Variants in XRCC2 observed in about 807,000 individuals in gnomAD.
XRCC2 encodes the protein X-ray repair cross complementing 2, also known as DNA repair protein XRCC2.
Under a neutral mutation model 27.3 loss-of-function variants are expected in XRCC2, and 24 were observed. That is an observed-to-expected ratio of 0.88 (90% CI 0.64 to 1.24). XRCC2 has a LOEUF of 1.24. XRCC2 is among the 50% of genes most tolerant of loss of function. The probability of loss-of-function intolerance (pLI) is 0.00; values close to 1 mark genes in which losing one functional copy is unlikely to be tolerated. For missense variants in XRCC2, 321 were observed against 325.8 expected, an observed-to-expected ratio of 0.99 and a Z score of 0.11; for synonymous variants, 106 against 115.4, an observed-to-expected ratio of 0.92 and a Z score of 0.52.
chr7:152,648,844 C>G lies in XRCC2; in HGVS notation c.641G>C (p.Arg214Pro), dbSNP rs368445278. 1 of 1,613,780 alleles carries G rather than the reference C, an allele frequency of 6.2e-7. No homozygotes were observed. Among genetic ancestry groups the G allele is most frequent in the African/African-American group, 1.3e-5 (1 of 74,994 alleles). ...GTCTATGTCCACATCACACAGTCGTCGAGAGGCATGAGAAGGTTCTTCTGA... is the reference window on the plus strand; with the variant it reads ...GTCTATGTCCACATCACACAGTCGTGGAGAGGCATGAGAAGGTTCTTCTGA... ...SSSEEPSHAS[R>P]RLCDVDIDYR... Residue 214 changes from arginine to proline, a missense_variant, in exon 3 of 3, where the codon CGA becomes CCA. By Grantham distance (103) the Arg-to-Pro change is moderately radical. Coordinates refer to ENST00000359321, the MANE Select transcript of XRCC2 (RefSeq NM_005431.2).
intron 1 of XRCC2, among the ~76,000 whole-genome samples, chr7:152,661,474 T>TGGAGGA (rs1217549392): frequency 6.6e-6 from 1 of 152,162 alleles, no homozygotes; most frequent in Admixed American, 6.5e-5. Context: ...AGGAGAAAGG[T>TGGAGGA]GGAGGAGAAC....
rs1315977724 is a variant in XRCC2 at position 152,646,304 on chromosome 7, GTGT to G, written c.*2335_*2337del. 4.1e-4 allele frequency: 2 copies of G among 4,884 alleles called. No homozygotes were observed. Among genetic ancestry groups the G allele is most frequent in the Non-Finnish European group, 2.5e-3 (2 of 816 alleles). The allele number at this position is 4,884 out of a possible 1,614,324, so 0.3% of individuals were successfully genotyped here. On this transcript the variant is annotated 3_prime_UTR_variant, in exon 3 of 3. Coordinates refer to ENST00000359321, the MANE Select transcript of XRCC2 (RefSeq NM_005431.2). ...ACGTATTCTAAGTCTGTGAGAGGGTGTGTGTGTGTGTGTGTGTGTGTGTTGTTC... is the reference window on the plus strand; with the variant it reads ...ACGTATTCTAAGTCTGTGAGAGGGTGGTGTGTGTGTGTGTGTGTGTTGTTC...
chr7:152,652,834 G>A (rs1230735730), intron 2 of XRCC2, among the ~76,000 whole-genome samples: 1 of 152,180 alleles, frequency 6.6e-6, no homozygotes, highest in South Asian at 2.1e-4. Context: ...AAATGGAAGC[G>A]GGTCTGGTAG....
At chr7:152,656,229 T>C (rs2098030660) in intron 2 of XRCC2, among the ~76,000 whole-genome samples, 2 of 152,032 alleles carry the variant, frequency 1.3e-5, no homozygotes, top group South Asian at 2.1e-4. Context: ...AAAATAAATT[T>C]TAAAAAATGT....
At chr7:152,655,915 G>A (rs2098030523) in intron 2 of XRCC2, among the ~76,000 whole-genome samples, 1 of 152,038 alleles carries the variant, frequency 6.6e-6, no homozygotes, top group African/African-American at 2.4e-5. Context: ...GGGAGGCTGA[G>A]GTTGCAGTGA....
chr7:152,670,307 A>G (rs1388914741), intron 1 of XRCC2, among the ~76,000 whole-genome samples: 1 of 152,216 alleles, frequency 6.6e-6, no homozygotes, highest in Non-Finnish European at 1.5e-5. Context: ...GAAAGAGATC[A>G]ATATTGGCTT....
intron 1 of XRCC2, among the ~76,000 whole-genome samples, chr7:152,669,836 G>A (rs2098037426): frequency 6.6e-6 from 1 of 151,484 alleles, no homozygotes; most frequent in Non-Finnish European, 1.5e-5. Context: ...CGTGGCTCAT[G>A]CCTGTAATCC....
At chr7:152,656,644 CTATAA>C (rs1236198613) in intron 2 of XRCC2, among the ~76,000 whole-genome samples, 7 of 152,144 alleles carry the variant, frequency 4.6e-5, no homozygotes, top group Non-Finnish European at 7.3e-5. Context: ...TTCAACGTTT[CTATAA>C]TATAATATTC....
rs2098027028 is a variant in XRCC2 at position 152,648,560 on chromosome 7, TG to T, written c.*81del. 3 of 1,443,340 alleles carry T rather than the reference TG, an allele frequency of 2.1e-6. No homozygotes were observed. Among genetic ancestry groups the T allele is most frequent in the East Asian group, 2.3e-5 (1 of 43,162 alleles). 89.4% of individuals were successfully genotyped at this position (1,443,340 alleles called of 1,614,324 possible). ...ATGATTGTGCCACTGCACTCCAGCC[TG>T]GGAGACAGAGCAAGACTCTGTCTTA... On this transcript the variant is annotated 3_prime_UTR_variant, in exon 3 of 3. Transcript: ENST00000359321.
chr7:152,648,646 C>A lies in XRCC2; in HGVS notation c.839G>T (p.Cys280Phe), dbSNP rs2098027074. 2 of 1,593,650 alleles carry A rather than the reference C, an allele frequency of 1.3e-6. No individual in the cohort carries two copies. Among genetic ancestry groups the A allele is most frequent in the South Asian group, 1.1e-5 (1 of 87,156 alleles). ...AAGACTATTTTATGATGTATATCAACAAAATTCAACCCCACTTTCTCCAAT... is the reference window on the plus strand; with the variant it reads ...AAGACTATTTTATGATGTATATCAAAAAAATTCAACCCCACTTTCTCCAAT... ...FIIGESGVEFC is the reference protein window; with the variant it reads ...FIIGESGVEFF Residue 280 changes from cysteine to phenylalanine, a missense_variant, in exon 3 of 3, where the codon TGT (cysteine) becomes TTT (phenylalanine). Transcript: ENST00000359321.
chr7:152,657,481 A>C (rs2098031192), intron 2 of XRCC2, among the ~76,000 whole-genome samples: 1 of 151,822 alleles, frequency 6.6e-6, no homozygotes, highest in Non-Finnish European at 1.5e-5. Flanking sequence ...TGTAGAGATG[A>C]GGTTTCACCA....
At chr7:152,674,440 T>C (rs6970671) in intron 1 of XRCC2, among the ~76,000 whole-genome samples, 14,383 of 151,688 alleles carry the variant, frequency 0.095, 997 homozygotes, top group Admixed American at 0.21. Context: ...GGCGAAACCC[T>C]GTCTCTACTA....
chr7:152,648,731 G>C lies in XRCC2; in HGVS notation c.754C>G (p.Gln252Glu), dbSNP rs1590129221. The change falls in exon 3 of 3, where the codon CAA becomes GAA. Residue 252 changes from glutamine (Q) to glutamate (E), a missense_variant. Coordinates refer to ENST00000359321, the MANE Select transcript of XRCC2 (RefSeq NM_005431.2). ...AAACAACGTGAAACTAATGAAAATT[G>C]GTTGCTGCTTTGAGAATCATCTTGT... is the stretch of plus-strand genomic sequence containing the variant. Reference protein sequence around the residue: ...SKQDDSQSSNQFSLVSRCLKS... With the variant: ...SKQDDSQSSNEFSLVSRCLKS... 1 of 1,613,946 alleles carries C rather than the reference G, an allele frequency of 6.2e-7. No homozygotes were observed.
chr7:152,648,746 A>G lies in XRCC2; in HGVS notation c.739T>C (p.Ser247Pro). ...AATGAAAATTGGTTGCTGCTTTGAG[A>G]ATCATCTTGTTTGGAGAAAAACATC... is the stretch of plus-strand genomic sequence containing the variant. ...HRMFFSKQDD[S>P]QSSNQFSLVS... Residue 247 changes from serine to proline, a missense_variant, in exon 3 of 3, where the codon TCT becomes CCT. By Grantham distance (74) the Ser-to-Pro change is moderately conservative. Coordinates refer to ENST00000359321, the MANE Select transcript of XRCC2 (RefSeq NM_005431.2). 1.2e-6 allele frequency: 2 copies of G among 1,614,204 alleles called. No individual in the cohort carries two copies. The highest frequency in any genetic ancestry group is 8.5e-7 in the Non-Finnish European group (1 of 1,180,042).
At chr7:152,668,015 G>GA (rs1459937749) in intron 1 of XRCC2, among the ~76,000 whole-genome samples, 4 of 146,780 alleles carry the variant, frequency 2.7e-5, no homozygotes, top group Admixed American at 7.1e-5. Flanking sequence ...GAGACAGAAC[G>GA]AGACTCCATC....
At position 152,648,872 on chromosome 7, in the gene XRCC2, A is replaced by C. The variant is rs56103026; in HGVS notation, c.613T>G (p.Ser205Ala). ...GAGGCATGAGAAGGTTCTTCTGATG[A>C]GCTCGAGGCTTTCTGCATTATAGTT... is the stretch of plus-strand genomic sequence containing the variant. The part of the protein sequence containing the change: ...TQTIMQKASS[S>A]SEEPSHASRR... Residue 205 changes from serine (S) to alanine (A), a missense_variant, in exon 3 of 3, where the codon TCA (serine) becomes GCA (alanine). By Grantham distance (99) the Ser-to-Ala change is moderately conservative (BLOSUM62 1). Coordinates refer to ENST00000359321, the MANE Select transcript of XRCC2 (RefSeq NM_005431.2). The C allele has an allele frequency of 3.2e-5, 52 of 1,613,896 alleles. No homozygotes were observed. In the African/African-American group the frequency reaches 5.2e-4, roughly 16 times the overall value.
intron 1 of XRCC2, among the ~76,000 whole-genome samples, chr7:152,662,642 G>A (rs1243087677): frequency 5.9e-5 from 8 of 136,614 alleles, no homozygotes; most frequent in African/African-American, 2.3e-4. Flanking sequence ...GCGGGATCTC[G>A]GCTCACTGCA....
chr7:152,669,418 G>A (rs1038219164), intron 1 of XRCC2, among the ~76,000 whole-genome samples: 1 of 152,028 alleles, frequency 6.6e-6, no homozygotes, highest in African/African-American at 2.4e-5. Context: ...GACATTTAAT[G>A]GTAAACATTT....
At position 152,647,116 on chromosome 7, in the gene XRCC2, GTA is replaced by G. The variant is rs1218152478; in HGVS notation, c.*1524_*1525del. The G allele has an allele frequency of 1.3e-5, 2 of 152,166 alleles. No individual in the cohort carries two copies. The highest frequency in any genetic ancestry group is 2.9e-5 in the Non-Finnish European group (2 of 68,034). The allele number at this position is 152,166 out of a possible 1,614,324, so 9.4% of individuals were successfully genotyped here. A position where few individuals can be genotyped will look rare whatever the true frequency, so the allele number is the denominator to read the frequency against. ...TAGCCATTTGGACTGGTGTGAGATGGTATCTCGTTGTTGTTTCGATTTGCATT... is the reference window on the plus strand; with the variant it reads ...TAGCCATTTGGACTGGTGTGAGATGGTCTCGTTGTTGTTTCGATTTGCATT... On this transcript the variant is annotated 3_prime_UTR_variant, in exon 3 of 3. Coordinates refer to ENST00000359321, the MANE Select transcript of XRCC2 (RefSeq NM_005431.2).
Sources: gnomAD v4.1 joint callset for allele counts (sites outside exome capture counted in the v4.1 genomes callset) on GRCh38, gnomAD v4.1.1 for gene constraint, MANE v1.5 for transcripts, NCBI Gene and HGNC (gene_info 2026-07-23, HGNC 2026-07-21) for gene names.